ATP2C2: variants seen among roughly 807,000 people sequenced by gnomAD.
ATP2C2 encodes the protein calcium-transporting ATPase type 2C member 2.
ATP2C2 carries 171 observed loss-of-function variants against 110.8 expected under a neutral mutation model. That is an observed-to-expected ratio of 1.54 (90% CI 1.36 to 1.75). The LOEUF (loss-of-function observed/expected upper bound fraction) is 1.75. ATP2C2 is among the 40% of genes most tolerant of loss of function. The probability of loss-of-function intolerance (pLI) is 0.00; values close to 1 mark genes in which losing one functional copy is unlikely to be tolerated. For missense variants in ATP2C2, 1,963 were observed against 1,235.0 expected, an observed-to-expected ratio of 1.59 and a Z score of -8.84; for synonymous variants, 804 against 508.4, an observed-to-expected ratio of 1.58 and a Z score of -7.82.
rs946877116 is a variant in ATP2C2 at position 84,373,212 on chromosome 16, C to G, written c.99+4498C>G. 3.3e-5 allele frequency among the ~76,000 whole-genome samples: 5 copies of G among 151,730 alleles called. No individual in the cohort carries two copies. In the East Asian group the frequency reaches 9.7e-4, roughly 29 times the overall value. On this transcript the variant is annotated intron_variant, in intron 1 of 26. Transcript: ENST00000262429. The stretch of plus-strand genomic sequence containing the variant: ...TATATTGGTGATGTCTATTAAAACT[C>G]AATCAGGCTGGGCATGGTGGCTTAC...
Position 84,388,690 on chromosome 16 carries a change from C to T in ATP2C2, c.100-9809C>T, listed in dbSNP as rs67922616. On this transcript the variant is annotated intron_variant, in intron 1 of 26. Coordinates refer to ENST00000262429, the MANE Select transcript of ATP2C2 (RefSeq NM_014861.4). ...TTGTTTTGTTCTTGTGTCATTCTGA[C>T]TCTTGCATTGATTCTCTCCAAAGGC... Among the ~76,000 whole-genome samples the T allele has an allele frequency of 8.4e-3, 1,280 of 152,330 alleles. 8 individuals are homozygous for T. The highest frequency in any genetic ancestry group is 0.02 in the Middle Eastern group (6 of 294).
At chr16:84,444,960 T>A (rs1050836235) in intron 15 of ATP2C2, among the ~76,000 whole-genome samples, 3 of 152,182 alleles carry the variant, frequency 2.0e-5, no homozygotes, top group South Asian at 2.1e-4. Flanking sequence ...ATTAGGGTCT[T>A]GGGGTTACTG....
In ATP2C2 at chr16:84,433,657, CAA is replaced by C. The variant is rs1164520359; in HGVS notation, c.987-5506_987-5505del. On this transcript the variant is annotated intron_variant, in intron 11 of 26. Coordinates refer to ENST00000262429, the MANE Select transcript of ATP2C2 (RefSeq NM_014861.4). Reference sequence around the variant, plus strand: ...ACAGAGCAAGACTCCGTCTCAAAAACAAAACAAAACAAACAACAACAACAAAA... The same window carrying C: ...ACAGAGCAAGACTCCGTCTCAAAAACAACAAAACAAACAACAACAACAAAA... Among the ~76,000 whole-genome samples the C allele has an allele frequency of 2.1e-5, 3 of 144,974 alleles. No individual in the cohort carries two copies. In the East Asian group the frequency reaches 6.3e-4, roughly 30 times the overall value.
At chr16:84,425,506 T>A (rs192296633) in intron 10 of ATP2C2, among the ~76,000 whole-genome samples, 1,785 of 152,324 alleles carry the variant, frequency 0.012, 25 homozygotes, top group African/African-American at 0.041. Context: ...TTGAGCCTTT[T>A]ACTTAAATTT....
rs536575001 is a variant in ATP2C2, at chr16:84,425,594, G to A, written c.920-141G>A. On this transcript the variant is annotated intron_variant, in intron 10 of 26. Transcript: ENST00000262429. ...ATCTCCCTTAGAAAAGAGAAGAGAC[G>A]GGTTGAAAGTGGTTGAGGTTATCAG... is the stretch of plus-strand genomic sequence containing the variant. The A allele has an allele frequency of 4.7e-5, 42 of 899,054 alleles. 1 individual carries two copies. The highest frequency in any genetic ancestry group is 4.3e-4 in the South Asian group (30 of 69,622). The allele number at this position is 899,054 out of a possible 1,614,324, so 55.7% of individuals were successfully genotyped here.
intron 1 of ATP2C2, among the ~76,000 whole-genome samples, chr16:84,376,859 C>A (rs570514134): frequency 6.6e-6 from 1 of 152,220 alleles, no homozygotes; most frequent in East Asian, 1.9e-4. Context: ...GATCTCTGTG[C>A]AATTGCACTG....
chr16:84,454,574 C>G (rs575708737), intron 20 of ATP2C2, among the ~76,000 whole-genome samples: 11 of 152,310 alleles, frequency 7.2e-5, no homozygotes, highest in African/African-American at 2.2e-4. Flanking sequence ...TCCGTCATCT[C>G]AGTTTGGGCC....
At chr16:84,389,477 T>C (rs62048820) in intron 1 of ATP2C2, among the ~76,000 whole-genome samples, 25,818 of 152,232 alleles carry the variant, frequency 0.17, 2,291 homozygotes, top group South Asian at 0.28. Flanking sequence ...AAACAATAAG[T>C]GCACGCTTGT....
intron 6 of ATP2C2, among the ~76,000 whole-genome samples, chr16:84,412,254 A>G (rs904368398): frequency 3.4e-5 from 5 of 147,680 alleles, no homozygotes; most frequent in East Asian, 3.9e-4. Context: ...CTGATTGTGT[A>G]TGTGTGTGTA....
intron 3 of ATP2C2, among the ~76,000 whole-genome samples, chr16:84,406,002 A>G (rs1444912864): frequency 6.6e-6 from 1 of 152,212 alleles, no homozygotes; most frequent in African/African-American, 2.4e-5. Flanking sequence ...AATACAGTGG[A>G]CGTGCTTATA....
At position 84,422,402 on chromosome 16, in the gene ATP2C2, T is replaced by C. The variant is rs778762505; in HGVS notation, c.637T>C (p.Leu213=). The change falls in exon 8 of 27, where the codon TTG becomes CTG. Residue 213 remains leucine, a synonymous_variant. Coordinates refer to ENST00000262429, the MANE Select transcript of ATP2C2 (RefSeq NM_014861.4). ...DIRLTEVTDL[L]VDESSFTGEA... Reference sequence around the variant, plus strand: ...CTTGCTCTCCTAGGTCACGGACCTCTTGGTGGATGAATCCAGTTTCACCGG... The same window carrying C: ...CTTGCTCTCCTAGGTCACGGACCTCCTGGTGGATGAATCCAGTTTCACCGG... 1.9e-6 allele frequency: 3 copies of C among 1,613,986 alleles called. No homozygotes were observed. The highest frequency in any genetic ancestry group is 2.5e-6 in the Non-Finnish European group (3 of 1,180,002).
At chr16:84,423,372 G>C (rs1043121158) in intron 10 of ATP2C2, 109 bp downstream of exon 10, 15 of 1,052,006 alleles carry the variant, frequency 1.4e-5, no homozygotes, top group Non-Finnish European at 2.2e-5. Flanking sequence ...GCTGCATAAG[G>C]CTTGGGGATT....
At chr16:84,405,777 G>A (rs973133099) in intron 3 of ATP2C2, among the ~76,000 whole-genome samples, 4 of 152,090 alleles carry the variant, frequency 2.6e-5, no homozygotes, top group Admixed American at 2.0e-4. Context: ...AAAATTAGCC[G>A]GATGTGGTAG....
In ATP2C2 at chr16:84,451,947, C is replaced by A; in HGVS notation, c.1687C>A (p.Leu563Met). The change falls in exon 18 of 27, where the codon CTG becomes ATG. Residue 563 changes from leucine to methionine, a missense_variant. By Grantham distance (15) the Leu-to-Met change is conservative (BLOSUM62 2). Transcript: ENST00000262429. ...GCTGGCCCTGGCTTCTGGGCCCGAG[C>A]TGGGGCGGCTGACGTTTCTCGGTCT... is the stretch of plus-strand genomic sequence containing the variant. ...RVLALASGPE[L>M]GRLTFLGLVG... The A allele has an allele frequency of 1.2e-6, 2 of 1,614,062 alleles. No individual in the cohort carries two copies. The highest frequency in any genetic ancestry group is 1.7e-6 in the Non-Finnish European group (2 of 1,180,022).
chr16:84,446,067 C>G (rs1909720059), intron 15 of ATP2C2, among the ~76,000 whole-genome samples: 1 of 152,132 alleles, frequency 6.6e-6, no homozygotes, highest in Admixed American at 6.5e-5. Flanking sequence ...GGCAGAAACA[C>G]TGCAGGTTTG....
intron 3 of ATP2C2, among the ~76,000 whole-genome samples, chr16:84,406,062 G>T (rs547162765): frequency 4.9e-4 from 74 of 152,348 alleles, no homozygotes; most frequent in African/African-American, 1.6e-3. Flanking sequence ...TTTACTGGGT[G>T]TCCTACTGTA....
intron 15 of ATP2C2, among the ~76,000 whole-genome samples, chr16:84,445,820 G>A: frequency 6.6e-6 from 1 of 152,204 alleles, no homozygotes; most frequent in East Asian, 1.9e-4. Flanking sequence ...ACCCCCTGTG[G>A]GACAGTGGGA....
At chr16:84,463,247 A>G (rs1339562659) in intron 26 of ATP2C2, among the ~76,000 whole-genome samples, 1 of 151,354 alleles carries the variant, frequency 6.6e-6, no homozygotes, top group Non-Finnish European at 1.5e-5. Context: ...GTCGGGGTGC[A>G]CTGGACAGGG....
At chr16:84,445,571 A>G (rs1009353994) in intron 15 of ATP2C2, among the ~76,000 whole-genome samples, 16 of 152,152 alleles carry the variant, frequency 1.1e-4, no homozygotes, top group African/African-American at 3.9e-4. Context: ...AATTGACGAT[A>G]TCTGCAAAGG....
Sources: allele counts gnomAD v4.1 joint callset (sites outside exome capture counted in the v4.1 genomes callset), GRCh38; gene constraint gnomAD v4.1.1; transcripts MANE v1.5; gene names NCBI Gene and HGNC (gene_info 2026-07-23, HGNC 2026-07-21).